The following EMC4 variants were observed in gnomAD, a reference collection of about 807,000 sequenced individuals.
The protein encoded by EMC4 is ER membrane protein complex subunit 4, also known as cell proliferation-inducing gene 17 protein.
A neutral mutation model predicts 24.2 loss-of-function variants in EMC4; 9 were observed. The observed-to-expected ratio is 0.37, with a 90% CI of 0.22 to 0.65. EMC4 has a LOEUF of 0.65. EMC4 is among the 30% of genes least tolerant of loss of function. The pLI is 0.59. For synonymous variants in EMC4, 86 were observed against 81.1 expected (o/e 1.06, Z -0.32); for missense variants, 169 against 234.6 (o/e 0.72, Z 1.83).
chr15:34,228,128 A>G (rs969322703), intron 3 of EMC4: 2 of 451,252 alleles, frequency 4.4e-6, no homozygotes, highest in African/African-American at 3.9e-5. Context: ...GGTTGCAGTG[A>G]GCCGAGATCG....
At chr15:34,227,656 A>G (rs2140594720) in intron 2 of EMC4, 37 bp from the exon 3 acceptor site, 3 of 1,599,464 alleles carry the variant, frequency 1.9e-6, no homozygotes, top group Non-Finnish European at 2.6e-6. Flanking sequence ...GACTAAGGGT[A>G]GTGATCAGAG....
rs536059709 is a variant in EMC4, at chr15:34,229,907, A to T, written c.*119A>T. ...CACTTATGTTAAAAAGAACCAAAAG[A>T]CTCTTTTCTCCATGGTGGGGTGACA... is the stretch of plus-strand genomic sequence containing the variant. On this transcript the variant is annotated 3_prime_UTR_variant, in exon 5 of 5. Coordinates refer to ENST00000267750, the MANE Select transcript of EMC4 (RefSeq NM_016454.4). 503 of 938,728 alleles carry T rather than the reference A, an allele frequency of 5.4e-4. 5 individuals are homozygous for T. The South Asian group carries it at 6.0e-3, about 11-fold the overall frequency. The allele number at this position is 938,728 out of a possible 1,614,324, so 58.1% of individuals were successfully genotyped here.
chr15:34,228,056 G>A (rs112847508), intron 3 of EMC4: 5 of 491,162 alleles, frequency 1.0e-5, no homozygotes, highest in South Asian at 2.4e-5. Context: ...GGTGGCACAC[G>A]CCTGTAATCC....
At position 34,228,456 on chromosome 15, in the gene EMC4, A is replaced by G. The variant is rs764181409; in HGVS notation, c.383A>G (p.Gln128Arg). The G allele has an allele frequency of 1.2e-6, 2 of 1,613,910 alleles. No individual in the cohort carries two copies. The highest frequency in any genetic ancestry group is 1.7e-6 in the Non-Finnish European group (2 of 1,179,964). Reference sequence around the variant, plus strand: ...TTCAAGATGTTAGAAAGTTCAAGCCAGAAGTTTCTTCAGGGTTTGGTCTAT... The same window carrying G: ...TTCAAGATGTTAGAAAGTTCAAGCCGGAAGTTTCTTCAGGGTTTGGTCTAT... The part of the protein sequence containing the change: ...ATFKMLESSS[Q>R]KFLQGLVYLI... The change falls in exon 4 of 5, where the codon CAG (glutamine) becomes CGG (arginine). Residue 128 changes from glutamine to arginine, a missense_variant. Gln to Arg is a conservative substitution (Grantham distance 43, BLOSUM62 1). Coordinates refer to ENST00000267750, the MANE Select transcript of EMC4 (RefSeq NM_016454.4).
chr15:34,228,631 A>G (rs758381272), intron 4 of EMC4, 42 bp downstream of exon 4: 25 of 1,543,846 alleles, frequency 1.6e-5, no homozygotes, highest in Non-Finnish European at 2.2e-5. Flanking sequence ...GTTGTAGTAT[A>G]CAGTGAATAG....
chr15:34,228,132 G>A (rs1438434408), intron 3 of EMC4: 8 of 454,796 alleles, frequency 1.8e-5, no homozygotes, highest in South Asian at 5.1e-5. Context: ...GCAGTGAGCC[G>A]AGATCGTGCC....
rs1345872309 is a variant in EMC4 at position 34,227,779 on chromosome 15, C to A, written c.288C>A (p.Ile96=). The part of the protein sequence containing the change: ...IMYMAGNTIS[I]FPTMMVCMMA... The stretch of plus-strand genomic sequence containing the variant: ...ACATGGCAGGCAATACTATCTCCAT[C>A]TTCCCTACTATGATGGTGTGTATGA... The change falls in exon 3 of 5, where the codon ATC becomes ATA. Residue 96 remains isoleucine, a synonymous_variant. Coordinates refer to ENST00000267750, the MANE Select transcript of EMC4 (RefSeq NM_016454.4). 1 of 1,614,050 alleles carries A rather than the reference C, an allele frequency of 6.2e-7. No individual in the cohort carries two copies. Among genetic ancestry groups the A allele is most frequent in the Admixed American group, 1.7e-5 (1 of 60,006 alleles).
intron 4 of EMC4, 200 bp downstream of exon 4, chr15:34,228,789 A>G (rs1285003904): frequency 1.5e-5 from 6 of 398,570 alleles, no homozygotes; most frequent in Admixed American, 1.4e-4. Flanking sequence ...GGTTCAAGCA[A>G]TTATTCTGCC....
chr15:34,229,709 A>G (rs1180076012), intron 4 of EMC4, 44 bp from the exon 5 acceptor site: 1 of 1,044,030 alleles, frequency 9.6e-7, no homozygotes, highest in Admixed American at 2.1e-5. Context: ...TTATTTTAAC[A>G]CTCATTTGCC....
In EMC4 at chr15:34,225,205, G is replaced by T; in HGVS notation, c.86+5G>T. 3 of 1,547,682 alleles carry T rather than the reference G, an allele frequency of 1.9e-6. No individual in the cohort carries two copies. The highest frequency in any genetic ancestry group is 2.6e-6 in the Non-Finnish European group (3 of 1,144,714). On this transcript the variant is annotated splice_donor_5th_base_variant and intron_variant, in intron 1 of 4. Coordinates refer to ENST00000267750, the MANE Select transcript of EMC4 (RefSeq NM_016454.4). ...CGGGCCTGGAGGAGGCAGCAGGTGA[G>T]GCACCTGGGCAAGCTGTACATCACT...
chr15:34,228,401 G>T, intron 3 of EMC4, 28 bp from the exon 4 acceptor site: 1 of 1,610,694 alleles, frequency 6.2e-7, no homozygotes, highest in South Asian at 1.1e-5. Context: ...GAGTTCTTTT[G>T]GTTTGACAAC....
chr15:34,229,837 T>A lies in EMC4; in HGVS notation c.*49T>A. ...CCTATGTATTTGGGTCTTATTTACATCCTTCTTTAAGCCCAGTGGCTCCTC... is the reference window on the plus strand; with the variant it reads ...CCTATGTATTTGGGTCTTATTTACAACCTTCTTTAAGCCCAGTGGCTCCTC... On this transcript the variant is annotated 3_prime_UTR_variant, in exon 5 of 5. Coordinates refer to ENST00000267750, the MANE Select transcript of EMC4 (RefSeq NM_016454.4). 6.3e-7 allele frequency: 1 copy of A among 1,597,824 alleles called. No homozygotes were observed. The highest frequency in any genetic ancestry group is 8.6e-7 in the Non-Finnish European group (1 of 1,165,182).
In EMC4 at chr15:34,229,620, C is replaced by T. The variant is rs562189566; in HGVS notation, c.517-133C>T. 4.5e-5 allele frequency: 29 copies of T among 646,488 alleles called. No individual in the cohort carries two copies. The East Asian group carries it at 4.5e-4, about 10-fold the overall frequency. 40.0% of individuals were successfully genotyped at this position (646,488 alleles called of 1,614,324 possible). Reference sequence around the variant, plus strand: ...AGTGTTTAGCTAAGATTAGCTACTGCGCCTGGCCTGGAAGTTCTTTTTTAA... The same window carrying T: ...AGTGTTTAGCTAAGATTAGCTACTGTGCCTGGCCTGGAAGTTCTTTTTTAA... On this transcript the variant is annotated intron_variant, in intron 4 of 4. Transcript: ENST00000267750.
At chr15:34,228,259 G>C in intron 3 of EMC4, 170 bp from the exon 4 acceptor site, 2 of 640,898 alleles carry the variant, frequency 3.1e-6, no homozygotes, top group Non-Finnish European at 2.7e-6. Context: ...TGGGGTAATG[G>C]TGGTGGCATG....
Position 34,225,550 on chromosome 15 carries a change from G to C in EMC4, c.101G>C (p.Arg34Pro). ...TGGTTTTTTAGGGGTCGAAGTGACC[G>C]GGGCAGTGGCCAGGGAGACTCGCTC... ...PGGGSRGRSDRGSGQGDSLYP... is the reference protein window; with the variant it reads ...PGGGSRGRSDPGSGQGDSLYP... Residue 34 changes from arginine to proline, a missense_variant, in exon 2 of 5, where the codon CGG becomes CCG. Physicochemically the swap from Arg to Pro is moderately radical, Grantham distance 103. Coordinates refer to ENST00000267750, the MANE Select transcript of EMC4 (RefSeq NM_016454.4). The C allele has an allele frequency of 1.9e-6, 3 of 1,613,982 alleles. No individual in the cohort carries two copies. The highest frequency in any genetic ancestry group is 1.7e-6 in the Non-Finnish European group (2 of 1,179,858).
intron 2 of EMC4, 123 bp downstream of exon 2, chr15:34,225,773 T>A (rs1327778465): frequency 1.3e-6 from 1 of 784,264 alleles, no homozygotes; most frequent in African/African-American, 1.7e-5. Context: ...CTAAACTGCT[T>A]GAGGCTGGTA....
In EMC4 at chr15:34,225,111, TGCC is replaced by T; in HGVS notation, c.-3_-1del. 2 of 1,551,554 alleles carry T rather than the reference TGCC, an allele frequency of 1.3e-6. No homozygotes were observed. Among genetic ancestry groups the T allele is most frequent in the African/African-American group, 2.7e-5 (2 of 73,178 alleles). ...CATCGAGGCTATAGGACGCAGCTGT[TGCC>T]ATGACGGCCCAGGGGGGCCTGGTGG... On this transcript the variant is annotated 5_prime_UTR_variant, in exon 1 of 5. Transcript: ENST00000267750.
At chr15:34,225,389 T>G in intron 1 of EMC4, 147 bp from the exon 2 acceptor site, 1 of 812,544 alleles carries the variant, frequency 1.2e-6, no homozygotes, top group Non-Finnish European at 2.0e-6. Context: ...TCCTGATAAG[T>G]CAAAGGACTG....
chr15:34,227,753 T>C lies in EMC4; in HGVS notation c.262T>C (p.Tyr88His), dbSNP rs1256898544. The C allele has an allele frequency of 6.2e-7, 1 of 1,614,082 alleles. No homozygotes were observed. The highest frequency in any genetic ancestry group is 2.2e-5 in the East Asian group (1 of 44,906). Reference protein sequence around the residue: ...KQIPMNLFIMYMAGNTISIFP... With the variant: ...KQIPMNLFIMHMAGNTISIFP... ...GATTCCCATGAATCTCTTCATCATG[T>C]ACATGGCAGGCAATACTATCTCCAT... The change falls in exon 3 of 5, where the codon TAC (tyrosine) becomes CAC (histidine). Residue 88 changes from tyrosine (Y) to histidine (H), a missense_variant. Transcript: ENST00000267750.
Sources: allele counts gnomAD v4.1 joint callset, GRCh38; gene constraint gnomAD v4.1.1; transcripts MANE v1.5; gene names NCBI Gene and HGNC (gene_info 2026-07-23, HGNC 2026-07-21).